Variants in SORCS2 observed in about 807,000 individuals in gnomAD.
SORCS2 encodes the protein sortilin related VPS10 domain containing receptor 2.
A neutral mutation model predicts 141.6 loss-of-function variants in SORCS2; 100 were observed. That is an observed-to-expected ratio of 0.71 (90% CI 0.60 to 0.83). SORCS2 has a LOEUF of 0.83. Among genes scored for constraint, SORCS2 ranks in the 40% least tolerant of loss-of-function variants. SORCS2 has a pLI of 0.00. For missense variants in SORCS2, 1,646 were observed against 1,560.2 expected (o/e 1.05, Z -0.93); for synonymous variants, 789 against 676.9 (o/e 1.17, Z -2.57).
At chr4:7,241,683 C>G (rs1028556627) in intron 1 of SORCS2, among the ~76,000 whole-genome samples, 1 of 152,164 alleles carries the variant, frequency 6.6e-6, no homozygotes, top group Admixed American at 6.5e-5. Flanking sequence ...TGCCAGCACA[C>G]GATGCCATTC....
intron 3 of SORCS2, among the ~76,000 whole-genome samples, chr4:7,616,927 C>G (rs1264705940): frequency 6.6e-6 from 1 of 152,198 alleles, no homozygotes; most frequent in African/African-American, 2.4e-5. Flanking sequence ...GACATTTGCA[C>G]AGCCCCACAA....
At chr4:7,377,010 G>C (rs1297676106) in intron 1 of SORCS2, among the ~76,000 whole-genome samples, 2 of 151,582 alleles carry the variant, frequency 1.3e-5, no homozygotes, top group Admixed American at 6.6e-5. Flanking sequence ...AAAGTGGTTT[G>C]TGCCTGCAAA....
intron 11 of SORCS2, among the ~76,000 whole-genome samples, chr4:7,690,596 G>A (rs1407610678): frequency 6.6e-6 from 1 of 151,818 alleles, no homozygotes; most frequent in Admixed American, 6.6e-5. Context: ...ATAGGTGGAT[G>A]GGTGAGTGGA....
intron 11 of SORCS2, among the ~76,000 whole-genome samples, chr4:7,691,162 G>T (rs567988200): frequency 4.1e-4 from 63 of 152,200 alleles, no homozygotes; most frequent in Non-Finnish European, 8.1e-4. Context: ...ACACAGAGGG[G>T]GTGGCTGTGT....
chr4:7,714,811 C>A (rs1055143315), intron 16 of SORCS2, among the ~76,000 whole-genome samples: 15 of 152,200 alleles, frequency 9.9e-5, no homozygotes, highest in African/African-American at 3.4e-4. Context: ...TGCCACCTCA[C>A]CCCTCCTCAT....
At chr4:7,406,122 G>A (rs745801194) in intron 2 of SORCS2, among the ~76,000 whole-genome samples, 2 of 151,990 alleles carry the variant, frequency 1.3e-5, no homozygotes, top group African/African-American at 2.4e-5. Context: ...TATCTTTGTG[G>A]TGTGTTGTTG....
intron 3 of SORCS2, among the ~76,000 whole-genome samples, chr4:7,564,362 C>A (rs531322885): frequency 4.5e-4 from 69 of 152,314 alleles, no homozygotes; most frequent in Admixed American, 1.3e-3. Flanking sequence ...CCGGAGAGCT[C>A]TCTGCCTTCA....
chr4:7,484,114 G>C (rs1730827574), intron 2 of SORCS2, among the ~76,000 whole-genome samples: 1 of 152,146 alleles, frequency 6.6e-6, no homozygotes, highest in African/African-American at 2.4e-5. Context: ...AGTGCAATAA[G>C]TATCAACATA....
At chr4:7,306,944 T>C (rs1717875410) in intron 1 of SORCS2, among the ~76,000 whole-genome samples, 1 of 152,196 alleles carries the variant, frequency 6.6e-6, no homozygotes, top group Non-Finnish European at 1.5e-5. Context: ...ATTAGTTATT[T>C]GACAAAGAAG....
chr4:7,727,732 C>T (rs371567675), intron 21 of SORCS2, among the ~76,000 whole-genome samples: 21 of 152,332 alleles, frequency 1.4e-4, no homozygotes, highest in East Asian at 1.4e-3. Context: ...CAGCCCTGCA[C>T]AGCCTCCTCC....
At chr4:7,367,510 C>A (rs1358530654) in intron 1 of SORCS2, among the ~76,000 whole-genome samples, 3 of 152,200 alleles carry the variant, frequency 2.0e-5, no homozygotes, top group Admixed American at 1.3e-4. Flanking sequence ...TGACCTCAGT[C>A]AAGGCGGTTC....
chr4:7,642,376 C>T (rs1280422746), intron 4 of SORCS2, among the ~76,000 whole-genome samples: 2 of 152,206 alleles, frequency 1.3e-5, no homozygotes, highest in African/African-American at 2.4e-5. Flanking sequence ...TGCAATTGCT[C>T]TCTAATTTAT....
intron 1 of SORCS2, among the ~76,000 whole-genome samples, chr4:7,227,291 T>C (rs1171665083): frequency 6.6e-6 from 1 of 152,192 alleles, no homozygotes; most frequent in East Asian, 1.9e-4. Flanking sequence ...CTGAGGTCTG[T>C]GTTTCCCTCG....
chr4:7,460,160 A>T (rs1226411301), intron 2 of SORCS2: 4 of 154,678 alleles, frequency 2.6e-5, no homozygotes, highest in Non-Finnish European at 5.9e-5. Flanking sequence ...GGTTGAGAGT[A>T]CCCCCGCTCC....
chr4:7,481,222 A>G (rs34021738), intron 2 of SORCS2, among the ~76,000 whole-genome samples: 32,242 of 152,232 alleles, frequency 0.21, 3,724 homozygotes, highest in African/African-American at 0.31. Flanking sequence ...AGCGTCTGCG[A>G]CCCTGAGAAC....
intron 1 of SORCS2, among the ~76,000 whole-genome samples, chr4:7,390,930 G>A (rs1723817805): frequency 6.6e-6 from 1 of 152,130 alleles, no homozygotes; most frequent in Admixed American, 6.5e-5. Context: ...TGGAGAAACC[G>A]CGAACTCTGC....
chr4:7,321,707 A>G (rs1718904632), intron 1 of SORCS2, among the ~76,000 whole-genome samples: 1 of 152,194 alleles, frequency 6.6e-6, no homozygotes, highest in Non-Finnish European at 1.5e-5. Context: ...GGTGATGGGC[A>G]TGTGCTTTTG....
chr4:7,717,660 C>G (rs1433687879), intron 17 of SORCS2, among the ~76,000 whole-genome samples: 1 of 152,208 alleles, frequency 6.6e-6, no homozygotes, highest in Non-Finnish European at 1.5e-5. Context: ...CCTTTCTCAG[C>G]AAGACCGTGA....
chr4:7,615,850 C>T (rs1182688880), intron 3 of SORCS2, among the ~76,000 whole-genome samples: 2 of 152,208 alleles, frequency 1.3e-5, no homozygotes, highest in African/African-American at 4.8e-5. Flanking sequence ...ACTTCAGTGG[C>T]TCCATTCTCT....
Sources: allele counts gnomAD v4.1 joint callset (sites outside exome capture counted in the v4.1 genomes callset), GRCh38; gene constraint gnomAD v4.1.1; transcripts MANE v1.5; gene names NCBI Gene and HGNC (gene_info 2026-07-23, HGNC 2026-07-21).